Variants in CACHD1 observed in about 807,000 individuals in gnomAD.
The protein encoded by CACHD1 is VWFA and cache domain-containing protein 1.
A neutral mutation model predicts 138.7 loss-of-function variants in CACHD1; 71 were observed. That is an observed-to-expected ratio of 0.51 (90% CI 0.42 to 0.62). The LOEUF (loss-of-function observed/expected upper bound fraction) is 0.62, where lower values mean the gene tolerates loss of function less well. Ranked by LOEUF, CACHD1 falls within the 20% of genes least tolerant of loss-of-function variation. The pLI is 0.00. For synonymous variants in CACHD1, 578 were observed against 591.5 expected (o/e 0.98, Z 0.33); for missense variants, 1,389 against 1,625.3 (o/e 0.85, Z 2.50).
rs142161000 is a variant in CACHD1, at chr1:64,655,955, A to G, written c.1782+1152A>G. On this transcript the variant is annotated intron_variant, in intron 12 of 26. Transcript: ENST00000651257. ...ACTACTTATTGAACATTTTCTGTGT[A>G]CTAAGAAGGATAAAGAAGATTGACA... is the stretch of plus-strand genomic sequence containing the variant. 7.9e-5 allele frequency among the ~76,000 whole-genome samples: 12 copies of G among 152,338 alleles called. No homozygotes were observed. The East Asian group carries it at 1.9e-3, about 24-fold the overall frequency.
At chr1:64,663,603 C>T (rs1454707712) in intron 13 of CACHD1, 92 bp from the exon 14 acceptor site, 4 of 1,450,216 alleles carry the variant, frequency 2.8e-6, no homozygotes, top group East Asian at 2.3e-5. Context: ...GCCACCATAG[C>T]TGACAGATTG....
chr1:64,546,714 A>G (rs1379957671), intron 1 of CACHD1, among the ~76,000 whole-genome samples: 1 of 152,130 alleles, frequency 6.6e-6, no homozygotes, highest in Non-Finnish European at 1.5e-5. Flanking sequence ...GAAAATCTTT[A>G]CCCTGAAGTC....
At chr1:64,561,686 G>T (rs1646840321) in intron 2 of CACHD1, among the ~76,000 whole-genome samples, 1 of 99,446 alleles carries the variant, frequency 1.0e-5, no homozygotes, top group South Asian at 5.3e-4. Context: ...GACACCCATT[G>T]TCTACAATTT....
intron 1 of CACHD1, among the ~76,000 whole-genome samples, chr1:64,505,726 C>T (rs1206912355): frequency 1.4e-5 from 2 of 144,988 alleles, no homozygotes; most frequent in African/African-American, 2.6e-5. Context: ...GCCCCTCCCC[C>T]TCTTGGCTGC....
intron 1 of CACHD1, among the ~76,000 whole-genome samples, chr1:64,473,894 G>A (rs74080175): frequency 0.028 from 4,230 of 152,226 alleles, 213 homozygotes; most frequent in African/African-American, 0.096. Flanking sequence ...TTGCAAGGGG[G>A]TAATTTTACA....
chr1:64,530,228 G>A (rs772246341), intron 1 of CACHD1, among the ~76,000 whole-genome samples: 5 of 152,222 alleles, frequency 3.3e-5, no homozygotes, highest in African/African-American at 9.6e-5. Flanking sequence ...AGCATTACCC[G>A]GGGCCATTTA....
chr1:64,687,049 T>A (rs1187166366), intron 26 of CACHD1, among the ~76,000 whole-genome samples: 2 of 152,236 alleles, frequency 1.3e-5, no homozygotes, highest in Admixed American at 6.5e-5. Flanking sequence ...TCGGCTCTTT[T>A]TGATAGATGC....
intron 4 of CACHD1, among the ~76,000 whole-genome samples, chr1:64,621,080 A>G (rs1378160373): frequency 1.3e-5 from 2 of 152,148 alleles, no homozygotes; most frequent in Admixed American, 6.6e-5. Flanking sequence ...AGAGTAAAAG[A>G]TTTTATGGTT....
intron 1 of CACHD1, among the ~76,000 whole-genome samples, chr1:64,547,725 TTG>T (rs1646728402): frequency 6.6e-6 from 1 of 152,180 alleles, no homozygotes; most frequent in African/African-American, 2.4e-5. Flanking sequence ...CATGAGTTAC[TTG>T]TCTAAGTTCT....
chr1:64,519,830 G>C (rs961851191), intron 1 of CACHD1, among the ~76,000 whole-genome samples: 5 of 137,048 alleles, frequency 3.6e-5, no homozygotes, highest in African/African-American at 1.0e-4. Flanking sequence ...ACAACTCCTA[G>C]GTGCTTTTTT....
chr1:64,603,289 A>G (rs892718940), intron 4 of CACHD1, among the ~76,000 whole-genome samples: 5 of 151,840 alleles, frequency 3.3e-5, no homozygotes, highest in Non-Finnish European at 5.9e-5. Context: ...TATTTTTAGT[A>G]GAGACGGGTT....
intron 1 of CACHD1, among the ~76,000 whole-genome samples, chr1:64,521,035 T>C (rs1157310194): frequency 7.2e-5 from 11 of 152,214 alleles, no homozygotes; most frequent in Admixed American, 7.2e-4. Flanking sequence ...TCTATCCCAG[T>C]TTCTTTAGGG....
chr1:64,646,419 T>C (rs1648903437), intron 8 of CACHD1, among the ~76,000 whole-genome samples: 1 of 152,144 alleles, frequency 6.6e-6, no homozygotes, highest in Non-Finnish European at 1.5e-5. Flanking sequence ...TTTATTTAAA[T>C]ATAATGTGTT....
intron 1 of CACHD1, among the ~76,000 whole-genome samples, chr1:64,472,384 T>C (rs897911036): frequency 6.6e-6 from 1 of 152,158 alleles, no homozygotes; most frequent in African/African-American, 2.4e-5. Flanking sequence ...TTCTCTACTG[T>C]GGGGAAAGAC....
chr1:64,606,934 G>A (rs1647360648), intron 4 of CACHD1, among the ~76,000 whole-genome samples: 1 of 152,170 alleles, frequency 6.6e-6, no homozygotes, highest in Non-Finnish European at 1.5e-5. Flanking sequence ...GGAATGCTGG[G>A]AGAAGAGCAG....
intron 1 of CACHD1, among the ~76,000 whole-genome samples, chr1:64,478,694 A>C (rs1646191103): frequency 2.6e-5 from 4 of 152,206 alleles, no homozygotes. Flanking sequence ...AAAATATGGG[A>C]TCTAGAGTAC....
At chr1:64,520,531 G>A (rs1646490756) in intron 1 of CACHD1, among the ~76,000 whole-genome samples, 1 of 152,156 alleles carries the variant, frequency 6.6e-6, no homozygotes, top group African/African-American at 2.4e-5. Context: ...TTGAGTTGTA[G>A]TTTAAACTAA....
At chr1:64,678,874 C>T (rs1438922656) in intron 23 of CACHD1, among the ~76,000 whole-genome samples, 2 of 152,116 alleles carry the variant, frequency 1.3e-5, no homozygotes, top group African/African-American at 2.4e-5. Flanking sequence ...AGATTGCTTA[C>T]CTGAGATTTT....
chr1:64,497,174 A>G (rs1646310992), intron 1 of CACHD1, among the ~76,000 whole-genome samples: 1 of 152,234 alleles, frequency 6.6e-6, no homozygotes, highest in Non-Finnish European at 1.5e-5. Flanking sequence ...CTCCAACACT[A>G]AAATGAAGGC....
Sources: gnomAD v4.1 joint callset for allele counts (sites outside exome capture counted in the v4.1 genomes callset) on GRCh38, gnomAD v4.1.1 for gene constraint, MANE v1.5 for transcripts, NCBI Gene and HGNC (gene_info 2026-07-23, HGNC 2026-07-21) for gene names.